TRDN: variants seen among roughly 807,000 people sequenced by gnomAD.
The protein encoded by TRDN is triadin in skeletal muscle.
In TRDN, 161 loss-of-function variants were observed where a neutral mutation model predicts 149.7. That is an observed-to-expected ratio of 1.08 (90% CI 0.95 to 1.23). The LOEUF is 1.23. Ranked by LOEUF, TRDN falls within the 50% of genes most tolerant of loss-of-function variation. The pLI is 0.00. For synonymous variants in TRDN, 294 were observed against 250.5 expected (o/e 1.17, Z -1.64); for missense variants, 896 against 823.5 (o/e 1.09, Z -1.08).
At chr6:123,503,614 T>C in intron 8 of TRDN, 105 bp downstream of exon 8, 1 of 1,543,632 alleles carries the variant, frequency 6.5e-7, no homozygotes, top group South Asian at 1.2e-5. Context: ...TTTACCCCCA[T>C]TTGAAGTCTG....
chr6:123,410,814 C>T (rs1773402706), intron 12 of TRDN, among the ~76,000 whole-genome samples: 1 of 151,926 alleles, frequency 6.6e-6, no homozygotes, highest in Non-Finnish European at 1.5e-5. Context: ...AGGTTGTAGC[C>T]TTTATTTCTG....
chr6:123,258,134 CT>C (rs1776629056), intron 35 of TRDN, among the ~76,000 whole-genome samples: 1 of 152,150 alleles, frequency 6.6e-6, no homozygotes, highest in Non-Finnish European at 1.5e-5. Flanking sequence ...ATTTATTTCT[CT>C]TGCCTGATTG....
intron 12 of TRDN, among the ~76,000 whole-genome samples, chr6:123,424,877 G>C (rs1317575635): frequency 6.6e-6 from 1 of 152,112 alleles, no homozygotes; most frequent in Non-Finnish European, 1.5e-5. Context: ...GGGTGCCTAA[G>C]TGGCTATGAT....
intron 20 of TRDN, among the ~76,000 whole-genome samples, chr6:123,357,279 GAT>G (rs927790119): frequency 2.0e-5 from 3 of 151,892 alleles, no homozygotes; most frequent in African/African-American, 7.2e-5. Flanking sequence ...CTTGACAAAA[GAT>G]ATGTCTTGAT....
At chr6:123,574,137 A>G (rs1782710053) in intron 1 of TRDN, among the ~76,000 whole-genome samples, 1 of 152,002 alleles carries the variant, frequency 6.6e-6, no homozygotes, top group South Asian at 2.1e-4. Context: ...TTAGCCCCAT[A>G]TTTTCAAAAA....
chr6:123,634,567 A>C (rs1786191705), intron 1 of TRDN, among the ~76,000 whole-genome samples: 2 of 152,032 alleles, frequency 1.3e-5, no homozygotes, highest in African/African-American at 4.8e-5. Flanking sequence ...TTTATAAAAG[A>C]CTGGAGGAAG....
chr6:123,295,356 G>A lies in TRDN; in HGVS notation c.1511-16274C>T, dbSNP rs1778155628. Among the ~76,000 whole-genome samples, 9 of 152,276 alleles carry A rather than the reference G, an allele frequency of 5.9e-5. No homozygotes were observed. In the South Asian group the frequency reaches 1.9e-3, roughly 32 times the overall value. ...GCGCTGCTCTGCAGGAGCAGTCACA[G>A]AGCTTAACATCCCCAGAGCTGTAAT... On this transcript the variant is annotated intron_variant, in intron 24 of 40. Coordinates refer to ENST00000334268, the MANE Select transcript of TRDN (RefSeq NM_006073.4).
chr6:123,475,859 C>A (rs1039661820), intron 9 of TRDN, among the ~76,000 whole-genome samples: 4 of 152,112 alleles, frequency 2.6e-5, no homozygotes, highest in Non-Finnish European at 5.9e-5. Flanking sequence ...AATTCAGCAA[C>A]CCGTCATGCT....
chr6:123,461,626 A>G (rs999376265), intron 10 of TRDN, among the ~76,000 whole-genome samples: 1 of 152,194 alleles, frequency 6.6e-6, no homozygotes, highest in African/African-American at 2.4e-5. Flanking sequence ...TTGCTTATAC[A>G]AGGATTTTAT....
chr6:123,254,467 T>C (rs1362691887), intron 37 of TRDN, among the ~76,000 whole-genome samples: 1 of 152,022 alleles, frequency 6.6e-6, no homozygotes, highest in African/African-American at 2.4e-5. Context: ...TTATGATATG[T>C]TTACCTAGCA....
intron 26 of TRDN, 100 bp downstream of exon 26, chr6:123,278,218 G>T: frequency 1.2e-6 from 1 of 815,298 alleles, no homozygotes; most frequent in Non-Finnish European, 1.7e-6. Context: ...GATAAAATTT[G>T]ATAAAATATT....
At chr6:123,577,916 T>C (rs1782937008) in intron 1 of TRDN, among the ~76,000 whole-genome samples, 1 of 152,206 alleles carries the variant, frequency 6.6e-6, no homozygotes, top group Non-Finnish European at 1.5e-5. Flanking sequence ...ATGTGCTTGT[T>C]GGCTGCATGT....
At chr6:123,494,277 G>T (rs1325861117) in intron 9 of TRDN, among the ~76,000 whole-genome samples, 4 of 152,130 alleles carry the variant, frequency 2.6e-5, no homozygotes, top group Non-Finnish European at 5.9e-5. Flanking sequence ...GGCTCTCTCT[G>T]TGCGGTCGTT....
At chr6:123,371,950 C>T (rs948703201) in intron 19 of TRDN, among the ~76,000 whole-genome samples, 3 of 151,976 alleles carry the variant, frequency 2.0e-5, no homozygotes, top group Admixed American at 1.3e-4. Context: ...TATACAAAAT[C>T]GAGCAAGTGA....
Position 123,560,121 on chromosome 6 carries a change from C to T in TRDN, c.232+10802G>A, listed in dbSNP as rs111873439. 6.2e-3 allele frequency among the ~76,000 whole-genome samples: 949 copies of T among 152,302 alleles called. 5 individuals are homozygous for T. The highest frequency in any genetic ancestry group is 9.5e-3 in the Non-Finnish European group (646 of 68,028). ...TTAGCCTAGCCCTTATGTCTGCGTGCGGCGGCTGCCGCTGCTTAAATACTT... is the reference window on the plus strand; with the variant it reads ...TTAGCCTAGCCCTTATGTCTGCGTGTGGCGGCTGCCGCTGCTTAAATACTT... On this transcript the variant is annotated intron_variant, in intron 2 of 40. Coordinates refer to ENST00000334268, the MANE Select transcript of TRDN (RefSeq NM_006073.4).
chr6:123,631,326 CT>C (rs1324302682), intron 1 of TRDN, among the ~76,000 whole-genome samples: 1 of 151,908 alleles, frequency 6.6e-6, no homozygotes, highest in African/African-American at 2.4e-5. Context: ...ACTATTTTTT[CT>C]TGCATCATGT....
chr6:123,370,102 T>C (rs1284316597), intron 19 of TRDN, among the ~76,000 whole-genome samples: 1 of 152,110 alleles, frequency 6.6e-6, no homozygotes, highest in Non-Finnish European at 1.5e-5. Context: ...TTCTAATGAA[T>C]AGCAATAAAG....
At chr6:123,272,124 C>G (rs1777224714) in intron 29 of TRDN, among the ~76,000 whole-genome samples, 1 of 151,868 alleles carries the variant, frequency 6.6e-6, no homozygotes, top group African/African-American at 2.4e-5. Flanking sequence ...AAAGCATATG[C>G]AAAACAAATC....
chr6:123,287,877 A>G (rs1231377595), intron 24 of TRDN, among the ~76,000 whole-genome samples: 1 of 152,102 alleles, frequency 6.6e-6, no homozygotes, highest in African/African-American at 2.4e-5. Context: ...GAGTAGCAAT[A>G]TAAGAGTAGA....
Sources: gnomAD v4.1 joint callset for allele counts (sites outside exome capture counted in the v4.1 genomes callset) on GRCh38, gnomAD v4.1.1 for gene constraint, MANE v1.5 for transcripts, NCBI Gene and HGNC (gene_info 2026-07-23, HGNC 2026-07-21) for gene names.